GABPB1: variants seen among roughly 807,000 people sequenced by gnomAD.
The protein encoded by GABPB1 is GA-binding protein subunit beta-1.
A neutral mutation model predicts 45.9 loss-of-function variants in GABPB1; 15 were observed. The observed-to-expected ratio is 0.33, with a 90% CI of 0.22 to 0.50. The LOEUF (loss-of-function observed/expected upper bound fraction) is 0.50. GABPB1 is among the 20% of genes least tolerant of loss of function. The pLI, the probability that GABPB1 is intolerant of heterozygous loss-of-function variation, is 0.98. For synonymous variants in GABPB1, 143 were observed against 154.4 expected, an observed-to-expected ratio of 0.93 and a Z score of 0.55; for missense variants, 252 against 457.5, an observed-to-expected ratio of 0.55 and a Z score of 4.10.
chr15:50,354,676 G>A (rs1037458755), intron 1 of GABPB1: 11 of 417,932 alleles, frequency 2.6e-5, no homozygotes, highest in African/African-American at 1.7e-4. Flanking sequence ...AAGCCGGGTA[G>A]CCGCGAGGCG....
At chr15:50,288,154 C>T (rs116837721) in intron 7 of GABPB1, among the ~76,000 whole-genome samples, 3,078 of 152,262 alleles carry the variant, frequency 0.02, 106 homozygotes, top group African/African-American at 0.071. Context: ...TGGGTCCAAG[C>T]GATCTTCCTG....
At chr15:50,324,449 AGGT>A (rs2047677706) in intron 1 of GABPB1, among the ~76,000 whole-genome samples, 2 of 151,416 alleles carry the variant, frequency 1.3e-5, no homozygotes, top group Middle Eastern at 3.4e-3. Context: ...CAAAGCTAGT[AGGT>A]GAGAAATTCA....
rs16963600 is a variant in GABPB1, at chr15:50,296,761, G to A, written c.697+4028C>T. On this transcript the variant is annotated intron_variant, in intron 6 of 8. Transcript: ENST00000380877. ...ATATAAACATTTCGAGAATCAGGAT[G>A]AGTCTGACGATAGATTTTAAAGAAA... 7.2e-4 allele frequency among the ~76,000 whole-genome samples: 109 copies of A among 152,318 alleles called. 2 individuals carry two copies. The East Asian group carries it at 0.018, about 25-fold the overall frequency.
At position 50,338,233 on chromosome 15, in the gene GABPB1, T is replaced by C. The variant is rs1441028269; in HGVS notation, c.-1+16752A>G. Among the ~76,000 whole-genome samples the C allele has an allele frequency of 2.6e-5, 4 of 151,382 alleles. No individual in the cohort carries two copies. In the South Asian group the frequency reaches 8.4e-4, roughly 32 times the overall value. ...TTTTGTATTTTTAGTACAGACGGGGTTTCACCATGTTGGTCAGGCTGGTCT... is the reference window on the plus strand; with the variant it reads ...TTTTGTATTTTTAGTACAGACGGGGCTTCACCATGTTGGTCAGGCTGGTCT... On this transcript the variant is annotated intron_variant, in intron 1 of 8. Coordinates refer to ENST00000380877, the MANE Select transcript of GABPB1 (RefSeq NM_016654.5).
chr15:50,294,032 T>G (rs765367975), intron 6 of GABPB1, among the ~76,000 whole-genome samples: 2 of 152,192 alleles, frequency 1.3e-5, no homozygotes, highest in Non-Finnish European at 2.9e-5. Context: ...TTCATTGATC[T>G]GATTCAAAAG....
At chr15:50,294,691 C>G (rs886797708) in intron 6 of GABPB1, among the ~76,000 whole-genome samples, 4 of 152,066 alleles carry the variant, frequency 2.6e-5, no homozygotes, top group African/African-American at 9.7e-5. Flanking sequence ...GTTGTATCAC[C>G]CTATTTTTGA....
chr15:50,329,123 C>T (rs2047868859), intron 1 of GABPB1, among the ~76,000 whole-genome samples: 1 of 152,114 alleles, frequency 6.6e-6, no homozygotes, highest in Non-Finnish European at 1.5e-5. Context: ...ACGCATGTCC[C>T]CTGCTCCAGA....
At chr15:50,296,279 T>G (rs2046507124) in intron 6 of GABPB1, among the ~76,000 whole-genome samples, 2 of 152,150 alleles carry the variant, frequency 1.3e-5, no homozygotes, top group Non-Finnish European at 2.9e-5. Context: ...CTGATGGAGC[T>G]TACACTATAT....
At chr15:50,348,147 C>T (rs1436944165) in intron 1 of GABPB1, among the ~76,000 whole-genome samples, 1 of 151,942 alleles carries the variant, frequency 6.6e-6, no homozygotes, top group African/African-American at 2.4e-5. Flanking sequence ...TATAGGAATG[C>T]TCAAGCCTCT....
chr15:50,310,338 C>A (rs1212928054), intron 1 of GABPB1, among the ~76,000 whole-genome samples: 1 of 152,172 alleles, frequency 6.6e-6, no homozygotes, highest in Non-Finnish European at 1.5e-5. Context: ...AATGATCTGC[C>A]CGCCTTGGCC....
intron 1 of GABPB1, among the ~76,000 whole-genome samples, chr15:50,346,748 G>A (rs1445366194): frequency 6.6e-6 from 1 of 150,800 alleles, no homozygotes; most frequent in African/African-American, 2.4e-5. Flanking sequence ...TCTTTTTGCT[G>A]TAACCTCATG....
chr15:50,351,450 C>A (rs1595860079), intron 1 of GABPB1: 1 of 152,206 alleles, frequency 6.6e-6, no homozygotes, highest in Admixed American at 6.6e-5. Context: ...TTGGCAGGTA[C>A]CTGTAGTCCC....
In GABPB1 at chr15:50,329,906, CT is replaced by C. The variant is rs537896986; in HGVS notation, c.1-20109del. Among the ~76,000 whole-genome samples, 903 of 145,296 alleles carry C rather than the reference CT, an allele frequency of 6.2e-3. 6 individuals carry two copies. Among genetic ancestry groups the C allele is most frequent in the African/African-American group, 0.019 (754 of 39,660 alleles). ...CTTATTCTCCACCCTTCCACTCTTACTTTTTTTTTTTTTCCCTGAAGGCAGG... is the reference window on the plus strand; with the variant it reads ...CTTATTCTCCACCCTTCCACTCTTACTTTTTTTTTTTTCCCTGAAGGCAGG... On this transcript the variant is annotated intron_variant, in intron 1 of 8. Transcript: ENST00000380877.
At position 50,285,132 on chromosome 15, in the gene GABPB1, C is replaced by A. The variant is rs1020381023; in HGVS notation, c.999+936G>T. ...AAAAATCTCCTTTCTATAACAAGAACCTTTACAAAAAATTACTAAATATTC... is the reference window on the plus strand; with the variant it reads ...AAAAATCTCCTTTCTATAACAAGAAACTTTACAAAAAATTACTAAATATTC... On this transcript the variant is annotated intron_variant, in intron 8 of 8. Coordinates refer to ENST00000380877, the MANE Select transcript of GABPB1 (RefSeq NM_016654.5). Among the ~76,000 whole-genome samples the A allele has an allele frequency of 1.4e-4, 22 of 152,050 alleles. 1 individual carries two copies. The highest frequency in any genetic ancestry group is 1.4e-3 in the Admixed American group (21 of 15,256).
Position 50,354,382 on chromosome 15 carries a change from A to G in GABPB1, c.-1+603T>C, listed in dbSNP as rs1286175796. The G allele has an allele frequency of 5.1e-5, 23 of 452,252 alleles. 1 individual carries two copies. In the Admixed American group the frequency reaches 5.4e-4, roughly 11 times the overall value. 28.0% of individuals were successfully genotyped at this position (452,252 alleles called of 1,614,324 possible). A position where few individuals can be genotyped will look rare whatever the true frequency, so the allele number is the denominator to read the frequency against. On this transcript the variant is annotated intron_variant, in intron 1 of 8. Coordinates refer to ENST00000380877, the MANE Select transcript of GABPB1 (RefSeq NM_016654.5). The stretch of plus-strand genomic sequence containing the variant: ...GCGGGACTGGCCAGGCTCTTCCATT[A>G]ACCCTGTCTGGTCCGGCCGATCCCG...
intron 6 of GABPB1, among the ~76,000 whole-genome samples, chr15:50,295,213 C>T (rs942646775): frequency 4.6e-5 from 7 of 152,168 alleles, no homozygotes; most frequent in African/African-American, 1.7e-4. Flanking sequence ...TGGTTGACTG[C>T]ATTAGATTCC....
chr15:50,289,851 C>G (rs2046292366), intron 6 of GABPB1, among the ~76,000 whole-genome samples, 183 bp from the exon 7 acceptor site: 1 of 151,838 alleles, frequency 6.6e-6, no homozygotes, highest in South Asian at 2.1e-4. Context: ...TGGCTCACTG[C>G]ATCCTTAACT....
At chr15:50,307,784 G>A (rs935077574) in intron 2 of GABPB1, among the ~76,000 whole-genome samples, 1 of 151,388 alleles carries the variant, frequency 6.6e-6, no homozygotes, top group African/African-American at 2.4e-5. Context: ...TTTTTAAATT[G>A]ATCCTGCTGG....
At chr15:50,323,595 G>T (rs1416614315) in intron 1 of GABPB1, among the ~76,000 whole-genome samples, 1 of 152,144 alleles carries the variant, frequency 6.6e-6, no homozygotes, top group Non-Finnish European at 1.5e-5. Context: ...CAATTAGCCA[G>T]GCACAGTTGC....
Sources: gnomAD v4.1 joint callset for allele counts (sites outside exome capture counted in the v4.1 genomes callset) on GRCh38, gnomAD v4.1.1 for gene constraint, MANE v1.5 for transcripts, NCBI Gene and HGNC (gene_info 2026-07-23, HGNC 2026-07-21) for gene names.